HOXD3: variants seen among roughly 807,000 people sequenced by gnomAD.
The protein encoded by HOXD3 is homeobox D3.
HOXD3 carries 13 observed loss-of-function variants against 32.8 expected under a neutral mutation model. The ratio of observed to expected loss-of-function variants is 0.40; its 90% confidence interval spans 0.26 to 0.63. HOXD3 has a LOEUF of 0.63. HOXD3 is among the 20% of genes least tolerant of loss of function. HOXD3 has a pLI of 0.44. For synonymous variants in HOXD3, 241 were observed against 246.8 expected (o/e 0.98, Z 0.22); for missense variants, 504 against 577.1 (o/e 0.87, Z 1.30).
At chr2:176,168,281 C>T (rs1295289057) in intron 2 of HOXD3, among the ~76,000 whole-genome samples, 1 of 88,392 alleles carries the variant, frequency 1.1e-5, no homozygotes, top group African/African-American at 4.5e-5. Context: ...AAAAAAAAAA[C>T]TAAGAGCTGG....
chr2:176,163,222 G>A (rs981073279), intron 1 of HOXD3, among the ~76,000 whole-genome samples: 2 of 152,222 alleles, frequency 1.3e-5, no homozygotes, highest in Non-Finnish European at 2.9e-5. Context: ...GTCTTTAGAA[G>A]CGCCGGGAAC....
intron 3 of HOXD3, among the ~76,000 whole-genome samples, chr2:176,171,226 T>A (rs1383198513): frequency 1.3e-5 from 2 of 151,770 alleles, no homozygotes; most frequent in Non-Finnish European, 2.9e-5. Context: ...GGCCTTTGGG[T>A]GGGTATGGGA....
At chr2:176,170,818 T>C (rs1367486502) in intron 3 of HOXD3, among the ~76,000 whole-genome samples, 1 of 151,920 alleles carries the variant, frequency 6.6e-6, no homozygotes, top group African/African-American at 2.4e-5. Flanking sequence ...AAGCCAGTGT[T>C]GAGGCTGCTG....
At chr2:176,153,999 G>A (rs774385447), upstream of HOXD3, among the ~76,000 whole-genome samples, 7 of 151,858 alleles carry the variant, frequency 4.6e-5, no homozygotes, top group Non-Finnish European at 7.4e-5. Context: ...TGTATGGCCT[G>A]TGTAGGGGAG....
At chr2:176,159,584 G>T (rs1482425239) in intron 1 of HOXD3, among the ~76,000 whole-genome samples, 2 of 152,242 alleles carry the variant, frequency 1.3e-5, no homozygotes, top group Non-Finnish European at 2.9e-5. Flanking sequence ...GCCCCGGCTG[G>T]GGGAGGGTCT....
chr2:176,167,381 A>G (rs755003782), intron 2 of HOXD3, among the ~76,000 whole-genome samples: 1 of 152,224 alleles, frequency 6.6e-6, no homozygotes, highest in Non-Finnish European at 1.5e-5. Context: ...CCCATGTTCC[A>G]TGCATTTCAA....
intron 3 of HOXD3, among the ~76,000 whole-genome samples, chr2:176,170,874 A>G (rs1482698862): frequency 6.8e-6 from 1 of 147,706 alleles, no homozygotes; most frequent in African/African-American, 2.5e-5. Context: ...CTGGCCTTGG[A>G]CTCCCTAAAA....
upstream of HOXD3, among the ~76,000 whole-genome samples, chr2:176,154,612 C>T (rs139759865): frequency 6.8e-4 from 103 of 152,222 alleles, no homozygotes; most frequent in African/African-American, 2.2e-3. Context: ...AAAAGAGTTT[C>T]TCTGTAGGCT....
chr2:176,165,410 GT>G (rs1690934044), intron 2 of HOXD3: 1 of 152,408 alleles, frequency 6.6e-6, no homozygotes, highest in Non-Finnish European at 1.5e-5. Flanking sequence ...AGGCGCAGCG[GT>G]TGCGGCGGGC....
rs528031220 is a variant in HOXD3, at chr2:176,171,669, A to C, written c.694A>C (p.Asn232His). Residue 232 changes from asparagine (N) to histidine (H), a missense_variant, in exon 4 of 4, where the codon AAT becomes CAT. This residue lies in a region of HOXD3 where 97 missense variants were observed against 158.0 expected (regional missense o/e 0.61). Coordinates refer to ENST00000683222, the MANE Select transcript of HOXD3 (RefSeq NM_006898.5). ...CCGCGTGGAGATGGCCAACCTGCTG[A>C]ATCTCACGGAACGCCAGATCAAGAT... is the stretch of plus-strand genomic sequence containing the variant. ...PRRVEMANLL[N>H]LTERQIKIWF... 1.9e-5 allele frequency: 31 copies of C among 1,614,172 alleles called. 1 individual carries two copies. The Middle Eastern group carries it at 5.0e-4, about 26-fold the overall frequency.
At chr2:176,165,833 G>A (rs1270007157) in intron 2 of HOXD3, 1 of 152,118 alleles carries the variant, frequency 6.6e-6, no homozygotes, top group Non-Finnish European at 1.5e-5. Flanking sequence ...TTAAAAAAAG[G>A]GTGAGGGGGT....
At chr2:176,157,109 C>T (rs548396117), upstream of HOXD3, among the ~76,000 whole-genome samples, 2 of 152,140 alleles carry the variant, frequency 1.3e-5, no homozygotes, top group African/African-American at 2.4e-5. Flanking sequence ...GCTTCCCGCC[C>T]GCCTGCCCGC....
chr2:176,172,251 G>A lies in HOXD3; in HGVS notation c.1276G>A (p.Ala426Thr), dbSNP rs780050974. 1 of 1,603,630 alleles carries A rather than the reference G, an allele frequency of 6.2e-7. No homozygotes were observed. Among genetic ancestry groups the A allele is most frequent in the South Asian group, 1.1e-5 (1 of 90,856 alleles). The change falls in exon 4 of 4, where the codon GCT (alanine) becomes ACT (threonine). Residue 426 changes from alanine to threonine, a missense_variant. Around this residue, in one of 3 missense-constraint regions of HOXD3, gnomAD observed 226 missense variants for 246.9 expected, o/e 0.92. Transcript: ENST00000683222. ...HHSSQGRLPE[A>T]PKLTHL is the part of the protein sequence containing the mutation. Reference sequence around the variant, plus strand: ...CTCGTCTCAGGGACGACTGCCGGAGGCTCCCAAACTGACGCATCTGTAGCG... The same window carrying A: ...CTCGTCTCAGGGACGACTGCCGGAGACTCCCAAACTGACGCATCTGTAGCG...
chr2:176,169,689 G>A (rs752858949), intron 3 of HOXD3, 34 bp downstream of exon 3: 4 of 1,544,446 alleles, frequency 2.6e-6, no homozygotes, highest in Admixed American at 3.8e-5. Flanking sequence ...GCCAGACCAA[G>A]CCCCCTCCAG....
chr2:176,154,812 C>T (rs969989881), upstream of HOXD3, among the ~76,000 whole-genome samples: 14 of 152,152 alleles, frequency 9.2e-5, no homozygotes, highest in Non-Finnish European at 1.6e-4. Flanking sequence ...AATGTCACCA[C>T]GTCGGGATAT....
intron 2 of HOXD3, among the ~76,000 whole-genome samples, chr2:176,167,062 C>G (rs906591619): frequency 6.6e-6 from 1 of 152,186 alleles, no homozygotes; most frequent in African/African-American, 2.4e-5. Context: ...CTTTATCAAA[C>G]AGACAAAGTG....
chr2:176,159,998 G>T (rs989318673), intron 1 of HOXD3, among the ~76,000 whole-genome samples: 10 of 152,244 alleles, frequency 6.6e-5, no homozygotes, highest in Non-Finnish European at 1.0e-4. Flanking sequence ...CCTGCTACGC[G>T]CCTTTTCTGT....
At chr2:176,165,031 G>A (rs189931145) in intron 2 of HOXD3, 4 of 152,384 alleles carry the variant, frequency 2.6e-5, no homozygotes, top group East Asian at 3.9e-4. Flanking sequence ...AGAAGCAGGC[G>A]CCGGTCACTT....
upstream of HOXD3, chr2:176,152,785 A>AC (rs750329825): frequency 6.2e-7 from 1 of 1,614,220 alleles, no homozygotes; most frequent in Non-Finnish European, 8.5e-7. This position sits in a 1 kb window ranked among gnomAD's most constrained non-coding sequence, Gnocchi z 5.2. Flanking sequence ...TGGTTCCAGA[A>AC]CCGGAGGATG....
Sources: gnomAD v4.1 joint callset for allele counts (sites outside exome capture counted in the v4.1 genomes callset) on GRCh38, gnomAD v4.1.1 for gene constraint, gnomAD v4.1.1 regional missense constraint, Gnocchi (gnomAD v3.1) non-coding constraint, MANE v1.5 for transcripts, NCBI Gene and HGNC (gene_info 2026-07-23, HGNC 2026-07-21) for gene names.